The following TSGA10 variants were observed in gnomAD, a reference collection of about 807,000 sequenced individuals.
The protein encoded by TSGA10 is testis specific 10.
A neutral mutation model predicts 96.6 loss-of-function variants in TSGA10; 43 were observed. That is an observed-to-expected ratio of 0.44 (90% CI 0.35 to 0.57). The LOEUF is 0.57. Ranked by LOEUF, TSGA10 falls within the 20% of genes least tolerant of loss-of-function variation. The pLI is 0.01. For synonymous variants in TSGA10, 229 were observed against 269.9 expected (o/e 0.85, Z 1.48); for missense variants, 703 against 834.4 (o/e 0.84, Z 1.94).
chr2:99,019,972 A>G (rs2079866651), intron 18 of TSGA10, among the ~76,000 whole-genome samples: 1 of 152,192 alleles, frequency 6.6e-6, no homozygotes, highest in Non-Finnish European at 1.5e-5. Flanking sequence ...CTAAATATGA[A>G]AATTCTTCTG....
At position 99,000,556 on chromosome 2, in the gene TSGA10, G is replaced by T. The variant is rs2077805577; in HGVS notation, c.2073-2335C>A. 2.6e-5 allele frequency among the ~76,000 whole-genome samples: 4 copies of T among 151,566 alleles called. No individual in the cohort carries two copies. In the South Asian group the frequency reaches 8.4e-4, roughly 32 times the overall value. On this transcript the variant is annotated intron_variant, in intron 20 of 20. Transcript: ENST00000393483. ...GGATCGTTCCAAGATGGTCGAATAG[G>T]AAGAGCTGCAGTCCACAGCTCCCAG...
chr2:99,081,412 A>G lies in TSGA10; in HGVS notation c.612-15T>C. 6.9e-7 allele frequency: 1 copy of G among 1,449,184 alleles called. No homozygotes were observed. The allele number at this position is 1,449,184 out of a possible 1,614,324, so 89.8% of individuals were successfully genotyped here. A position where few individuals can be genotyped will look rare whatever the true frequency, so the allele number is the denominator to read the frequency against. On this transcript the variant is annotated splice_polypyrimidine_tract_variant and intron_variant, in intron 10 of 20. Coordinates refer to ENST00000393483, the MANE Select transcript of TSGA10 (RefSeq NM_025244.4). ...CATACAAAAGTCTGCAAATATTTTAATAATAAAACTAATTCTGAAATTTTT... is the reference window on the plus strand; with the variant it reads ...CATACAAAAGTCTGCAAATATTTTAGTAATAAAACTAATTCTGAAATTTTT...
intron 13 of TSGA10, 56 bp from the exon 14 acceptor site, chr2:99,071,930 CA>C (rs2086022495): frequency 2.8e-6 from 4 of 1,447,778 alleles, no homozygotes; most frequent in Non-Finnish European, 3.8e-6. Context: ...AACAGAGCAA[CA>C]AATTCTCACA....
At chr2:99,150,752 C>A (rs2093685405) in intron 1 of TSGA10, 1 of 1,613,856 alleles carries the variant, frequency 6.2e-7, no homozygotes, top group African/African-American at 1.3e-5. Flanking sequence ...GGGACTGGCA[C>A]AGGATCTCTT....
Position 99,087,913 on chromosome 2 carries a change from C to T in TSGA10, c.612-6516G>A, listed in dbSNP as rs371323351. On this transcript the variant is annotated intron_variant, in intron 10 of 20. Transcript: ENST00000393483. Reference sequence around the variant, plus strand: ...AAATGGCACACAAACAGGCACTCAACATCATTAGGAATCAAGAAAATACAG... The same window carrying T: ...AAATGGCACACAAACAGGCACTCAATATCATTAGGAATCAAGAAAATACAG... 2.8e-4 allele frequency among the ~76,000 whole-genome samples: 43 copies of T among 152,308 alleles called. No individual in the cohort carries two copies. The South Asian group carries it at 8.9e-3, about 32-fold the overall frequency.
intron 16 of TSGA10, among the ~76,000 whole-genome samples, chr2:99,036,583 A>T (rs934051402): frequency 2.0e-5 from 3 of 152,190 alleles, no homozygotes; most frequent in Non-Finnish European, 4.4e-5. Context: ...AAACCAGAAA[A>T]GGCAGAAGAG....
intron 1 of TSGA10, chr2:99,141,147 A>T (rs2105104723): frequency 1.6e-6 from 2 of 1,270,234 alleles, no homozygotes; most frequent in African/African-American, 1.6e-5. Context: ...CATCCCCGCG[A>T]CTGTCAGCTC....
chr2:99,035,332 A>C lies in TSGA10; in HGVS notation c.1512T>G (p.Ala504=). Residue 504 remains alanine, a synonymous_variant, in exon 17 of 21, where the codon GCT becomes GCG. Coordinates refer to ENST00000393483, the MANE Select transcript of TSGA10 (RefSeq NM_025244.4). ...CCCTAGTAGAAGACAAATCTGCAAG[A>C]GCGGACACTTTTTCAAACTGAACCT... is the stretch of plus-strand genomic sequence containing the variant. ...LQKVQFEKVS[A]LADLSSTREL... 6.2e-7 allele frequency: 1 copy of C among 1,613,426 alleles called. No homozygotes were observed. Among genetic ancestry groups the C allele is most frequent in the African/African-American group, 1.3e-5 (1 of 75,036 alleles).
intron 1 of TSGA10, among the ~76,000 whole-genome samples, chr2:99,134,140 G>T (rs1421193959): frequency 6.6e-6 from 1 of 152,120 alleles, no homozygotes; most frequent in African/African-American, 2.4e-5. Flanking sequence ...TGCCTTGCTT[G>T]GTTGGGGAAG....
intron 16 of TSGA10, among the ~76,000 whole-genome samples, chr2:99,042,040 ATTT>A (rs5832865): frequency 1.0e-4 from 6 of 57,878 alleles, no homozygotes; most frequent in Non-Finnish European, 1.5e-4. Context: ...GCCCCCCCAC[ATTT>A]TTTTTTTTTT....
At chr2:99,141,191 T>A in intron 1 of TSGA10, 1 of 1,187,484 alleles carries the variant, frequency 8.4e-7, no homozygotes, top group Non-Finnish European at 1.1e-6. Flanking sequence ...AACCGCCCAC[T>A]CTCCATCCTC....
intron 1 of TSGA10, among the ~76,000 whole-genome samples, chr2:99,129,469 G>T (rs1273333622): frequency 6.6e-6 from 1 of 152,178 alleles, no homozygotes; most frequent in East Asian, 1.9e-4. Context: ...TTACCTATCA[G>T]GCCCAGCTAG....
chr2:99,110,942 AT>A (rs2091753969), intron 4 of TSGA10, 27 bp from the exon 5 acceptor site: 1 of 533,890 alleles, frequency 1.9e-6, no homozygotes, highest in Non-Finnish European at 2.4e-6. Flanking sequence ...AAAAAAAAAA[AT>A]TATTTCTATT....
chr2:99,134,063 T>C (rs2093223814), intron 1 of TSGA10, among the ~76,000 whole-genome samples: 1 of 152,180 alleles, frequency 6.6e-6, no homozygotes, highest in African/African-American at 2.4e-5. Context: ...TTATGTGTCT[T>C]GGGGTTGCTC....
At chr2:99,080,776 C>A (rs2087365999) in intron 11 of TSGA10, among the ~76,000 whole-genome samples, 1 of 151,976 alleles carries the variant, frequency 6.6e-6, no homozygotes, top group African/African-American at 2.4e-5. Context: ...TAAGTTAGGA[C>A]CATATTTTCA....
intron 16 of TSGA10, among the ~76,000 whole-genome samples, chr2:99,060,836 C>G (rs1353046809): frequency 6.6e-6 from 1 of 152,066 alleles, no homozygotes; most frequent in African/African-American, 2.4e-5. Context: ...TGAAATAAGT[C>G]TTTTCAATAA....
chr2:99,092,841 G>C (rs1050241587), intron 10 of TSGA10, among the ~76,000 whole-genome samples: 1 of 151,958 alleles, frequency 6.6e-6, no homozygotes, highest in Non-Finnish European at 1.5e-5. Flanking sequence ...AGAAGAATTG[G>C]TACCAATTCT....
intron 20 of TSGA10, among the ~76,000 whole-genome samples, chr2:99,014,472 A>C (rs971675511): frequency 3.9e-5 from 6 of 152,176 alleles, no homozygotes; most frequent in East Asian, 1.9e-4. Flanking sequence ...TTATCAAAAC[A>C]TCTGGGATAC....
At position 99,020,265 on chromosome 2, in the gene TSGA10, T is replaced by C. The variant is rs950090889; in HGVS notation, c.1817+15A>G. 1.2e-6 allele frequency: 2 copies of C among 1,608,582 alleles called. No individual in the cohort carries two copies. Among genetic ancestry groups the C allele is most frequent in the Non-Finnish European group, 1.7e-6 (2 of 1,175,786 alleles). The stretch of plus-strand genomic sequence containing the variant: ...TAAGATGTATGACTTTACTTTATAT[T>C]GCTAAACAACTCACATTTTATTTTC... On this transcript the variant is annotated intron_variant, in intron 18 of 20. Coordinates refer to ENST00000393483, the MANE Select transcript of TSGA10 (RefSeq NM_025244.4).
Sources: allele counts gnomAD v4.1 joint callset (sites outside exome capture counted in the v4.1 genomes callset), GRCh38; gene constraint gnomAD v4.1.1; transcripts MANE v1.5; gene names NCBI Gene and HGNC (gene_info 2026-07-23, HGNC 2026-07-21).